The following OGDH variants were observed in gnomAD, a reference collection of about 807,000 sequenced individuals.
OGDH encodes the protein 2-oxoglutarate dehydrogenase complex component E1.
OGDH carries 38 observed loss-of-function variants against 116.6 expected under a neutral mutation model. That is an observed-to-expected ratio of 0.33 (90% CI 0.25 to 0.43). The LOEUF is 0.43. Ranked by LOEUF, OGDH falls within the 20% of genes least tolerant of loss-of-function variation. OGDH has a pLI of 1.00. For missense variants in OGDH, 825 were observed against 1,357.2 expected, an observed-to-expected ratio of 0.61 and a Z score of 6.16; for synonymous variants, 488 against 533.3, an observed-to-expected ratio of 0.92 and a Z score of 1.17.
Position 44,707,518 on chromosome 7 carries a change from C to T in OGDH, c.2797-64C>T. ...TTCCCTGCTCGGAACACCAGTTTCCCTTTGCTGGATCTTGCCTGCCCTCTG... is the reference window on the plus strand; with the variant it reads ...TTCCCTGCTCGGAACACCAGTTTCCTTTTGCTGGATCTTGCCTGCCCTCTG... On this transcript the variant is annotated intron_variant, in intron 21 of 22. Transcript: ENST00000222673. The surrounding 1 kb of genome is among the most constrained non-coding windows in gnomAD (Gnocchi z 5.2). The T allele has an allele frequency of 1.2e-6, 2 of 1,602,944 alleles. No individual in the cohort carries two copies. The highest frequency in any genetic ancestry group is 2.2e-5 in the South Asian group (2 of 90,110).
chr7:44,707,849 C>T lies in OGDH; in HGVS notation c.2952-30C>T, dbSNP rs1466690958. The T allele has an allele frequency of 6.2e-7, 1 of 1,609,424 alleles. No individual in the cohort carries two copies. The highest frequency in any genetic ancestry group is 8.5e-7 in the Non-Finnish European group (1 of 1,177,898). ...GGCTGGGCCAACTCAGTGTCCCCTG[C>T]CCTCACTGCCCCCTCCCTCCATCTC... On this transcript the variant is annotated intron_variant, in intron 22 of 22. Transcript: ENST00000222673. This position sits in a 1 kb window ranked among gnomAD's most constrained non-coding sequence, Gnocchi z 5.2.
chr7:44,629,831 C>G (rs553800983), intron 2 of OGDH, among the ~76,000 whole-genome samples: 59 of 152,296 alleles, frequency 3.9e-4, no homozygotes, highest in Non-Finnish European at 5.7e-4. Context: ...CCGACCGCCT[C>G]GGCCTCCCAA....
chr7:44,707,860 C>T lies in OGDH; in HGVS notation c.2952-19C>T. ...CTCAGTGTCCCCTGCCCTCACTGCC[C>T]CCTCCCTCCATCTCTCAGGTATGCC... On this transcript the variant is annotated intron_variant, in intron 22 of 22. Transcript: ENST00000222673. The surrounding 1 kb of genome is among the most constrained non-coding windows in gnomAD (Gnocchi z 5.2). 2 of 1,611,042 alleles carry T rather than the reference C, an allele frequency of 1.2e-6. No homozygotes were observed. The highest frequency in any genetic ancestry group is 1.7e-6 in the Non-Finnish European group (2 of 1,178,608).
chr7:44,644,074 G>A (rs970492938), intron 2 of OGDH, among the ~76,000 whole-genome samples: 11 of 152,266 alleles, frequency 7.2e-5, no homozygotes, highest in African/African-American at 1.4e-4. Context: ...GCCTGGTGGC[G>A]TGCTCCTGTA....
chr7:44,628,198 A>AT (rs1437842046), intron 2 of OGDH, among the ~76,000 whole-genome samples: 1 of 152,196 alleles, frequency 6.6e-6, no homozygotes, highest in African/African-American at 2.4e-5. Context: ...GACCTGTGTC[A>AT]TTTCTGGCAT....
intron 5 of OGDH, 48 bp downstream of exon 5, chr7:44,666,899 A>T (rs895560025): frequency 2.4e-5 from 28 of 1,145,220 alleles, no homozygotes; most frequent in Non-Finnish European, 3.3e-5. Flanking sequence ...AAGAACTTGT[A>T]TTGGCAGGAT....
At chr7:44,645,195 G>C (rs1786115264) in intron 2 of OGDH, 132 bp from the exon 3 acceptor site, 1 of 779,256 alleles carries the variant, frequency 1.3e-6, no homozygotes, top group Non-Finnish European at 2.1e-6. Flanking sequence ...AGACCCCACT[G>C]TCCAGGAGGA....
chr7:44,616,881 A>G (rs1784825241), intron 1 of OGDH, among the ~76,000 whole-genome samples: 4 of 138,820 alleles, frequency 2.9e-5, no homozygotes, highest in African/African-American at 7.8e-5. Context: ...ACGTATATAT[A>G]TATGTATATA....
At chr7:44,672,526 G>A (rs1483702350) in intron 5 of OGDH, among the ~76,000 whole-genome samples, 1 of 152,124 alleles carries the variant, frequency 6.6e-6, no homozygotes, top group Non-Finnish European at 1.5e-5. Flanking sequence ...ATGCTGACTT[G>A]CAGTTTGCTC....
At position 44,697,926 on chromosome 7, in the gene OGDH, G is replaced by A. The variant is rs868798268; in HGVS notation, c.2358+144G>A. 8 of 1,086,464 alleles carry A rather than the reference G, an allele frequency of 7.4e-6. No individual in the cohort carries two copies. Among genetic ancestry groups the A allele is most frequent in the African/African-American group, 3.2e-5 (2 of 62,934 alleles). 67.3% of individuals were successfully genotyped at this position (1,086,464 alleles called of 1,614,324 possible). On this transcript the variant is annotated intron_variant, in intron 17 of 22. Coordinates refer to ENST00000222673, the MANE Select transcript of OGDH (RefSeq NM_002541.4). This position sits in a 1 kb window ranked among gnomAD's most constrained non-coding sequence, Gnocchi z 6.0. ...GGTGCTTCCCATCCATCTCAGATGG[G>A]ATGTCACTTCAGAAAGCCAGAGTAG...
At chr7:44,628,440 TTTTA>T (rs1263160523) in intron 2 of OGDH, among the ~76,000 whole-genome samples, 1 of 144,036 alleles carries the variant, frequency 6.9e-6, no homozygotes, top group Non-Finnish European at 1.5e-5. Flanking sequence ...TTATTTTTAA[TTTTA>T]TTTATTTTTT....
chr7:44,609,509 C>CA (rs56730903), intron 1 of OGDH, among the ~76,000 whole-genome samples: 2,206 of 103,728 alleles, frequency 0.021, 51 homozygotes, highest in African/African-American at 0.075. Flanking sequence ...GACCCTGTCT[C>CA]AAAAAAAAAA....
At chr7:44,676,572 T>A (rs1404768875) in intron 9 of OGDH, 1 of 235,090 alleles carries the variant, frequency 4.3e-6, no homozygotes, top group Non-Finnish European at 7.5e-6. Flanking sequence ...AAAAAATAAA[T>A]AAATAAAAAA....
chr7:44,680,738 G>T (rs1787896028), intron 9 of OGDH, among the ~76,000 whole-genome samples: 1 of 152,158 alleles, frequency 6.6e-6, no homozygotes, highest in Non-Finnish European at 1.5e-5. Flanking sequence ...AGAAACAGCT[G>T]ATATTGTCCA....
At chr7:44,674,674 C>A in intron 7 of OGDH, 117 bp downstream of exon 7, 1 of 1,057,428 alleles carries the variant, frequency 9.5e-7, no homozygotes, top group Non-Finnish European at 1.4e-6. Flanking sequence ...AGTTGTGAGT[C>A]TGGGCTCATC....
intron 5 of OGDH, among the ~76,000 whole-genome samples, chr7:44,671,038 A>AG (rs1483300726): frequency 6.6e-6 from 1 of 151,892 alleles, no homozygotes; most frequent in African/African-American, 2.4e-5. Context: ...AGAAAAGAAA[A>AG]AAAAGAAAAT....
intron 9 of OGDH, chr7:44,676,610 GTGTGTA>G (rs57886405): frequency 0.12 from 16,212 of 140,568 alleles, 1,849 homozygotes; most frequent in East Asian, 0.38. Flanking sequence ...ATGTGTGTGT[GTGTGTA>G]TATATATATA....
chr7:44,675,355 G>A, intron 8 of OGDH, 87 bp downstream of exon 8: 2 of 1,088,892 alleles, frequency 1.8e-6, no homozygotes, highest in Admixed American at 1.9e-5. Context: ...ATGACTTACG[G>A]GGGGTTGGTT....
chr7:44,660,235 C>G (rs576839149), intron 4 of OGDH, among the ~76,000 whole-genome samples: 1 of 152,248 alleles, frequency 6.6e-6, no homozygotes, highest in South Asian at 2.1e-4. Flanking sequence ...AGTTATCTTC[C>G]CACCTCAGCC....
Sources: gnomAD v4.1 joint callset for allele counts (sites outside exome capture counted in the v4.1 genomes callset) on GRCh38, gnomAD v4.1.1 for gene constraint, Gnocchi (gnomAD v3.1) non-coding constraint, MANE v1.5 for transcripts, NCBI Gene and HGNC (gene_info 2026-07-23, HGNC 2026-07-21) for gene names.